The following GPC6 variants were observed in gnomAD, a reference collection of about 807,000 sequenced individuals.
GPC6 encodes glypican-6.
GPC6 carries 14 observed loss-of-function variants against 55.2 expected under a neutral mutation model. That is an observed-to-expected ratio of 0.25 (90% CI 0.17 to 0.40). GPC6 has a LOEUF of 0.40. Ranked by LOEUF, GPC6 falls within the 10% of genes least tolerant of loss-of-function variation. GPC6 has a pLI of 1.00. For missense variants in GPC6, 641 were observed against 708.5 expected (o/e 0.90, Z 1.08); for synonymous variants, 278 against 259.6 (o/e 1.07, Z -0.68).
intron 3 of GPC6, among the ~76,000 whole-genome samples, chr13:94,003,016 G>C (rs1236382062): frequency 1.3e-5 from 2 of 152,166 alleles, no homozygotes; most frequent in African/African-American, 4.8e-5. Flanking sequence ...CAGTCATCTT[G>C]AAAGAGGCAA....
At chr13:94,085,183 G>C (rs1055379414) in intron 4 of GPC6, among the ~76,000 whole-genome samples, 3 of 151,640 alleles carry the variant, frequency 2.0e-5, no homozygotes, top group African/African-American at 7.3e-5. Flanking sequence ...TTAGCCAAGC[G>C]TGGTGGTGTG....
At chr13:93,720,057 T>C (rs529002679) in intron 2 of GPC6, among the ~76,000 whole-genome samples, 6 of 152,070 alleles carry the variant, frequency 3.9e-5, no homozygotes, top group Non-Finnish European at 2.9e-5. Context: ...TTTTTGTGTG[T>C]CTCTGCCAGG....
chr13:93,227,523 G>A lies in GPC6; in HGVS notation c.67G>A (p.Ala23Thr). The A allele has an allele frequency of 6.2e-7, 1 of 1,613,868 alleles. No individual in the cohort carries two copies. Among genetic ancestry groups the A allele is most frequent in the Non-Finnish European group, 8.5e-7 (1 of 1,179,826 alleles). ...GCTGCTGCTCTCCCTCCCCGCCGGG[G>A]CGGATGTGAAGGCTCGGAGCTGCGG... is the stretch of plus-strand genomic sequence containing the variant. ...LGLLLSLPAG[A>T]DVKARSCGEV... Residue 23 changes from alanine (A) to threonine (T), a missense_variant, in exon 1 of 9, where the codon GCG becomes ACG. Coordinates refer to ENST00000377047, the MANE Select transcript of GPC6 (RefSeq NM_005708.5). This position sits in a 1 kb window ranked among gnomAD's most constrained non-coding sequence, Gnocchi z 4.3.
At chr13:93,931,718 C>G (rs9556339) in intron 3 of GPC6, among the ~76,000 whole-genome samples, 51,167 of 146,304 alleles carry the variant, frequency 0.35, 11,420 homozygotes, top group Non-Finnish European at 0.49. Context: ...GAGCCAAGAT[C>G]GCGCCACTGC....
At chr13:93,987,902 G>C (rs1213873880) in intron 3 of GPC6, among the ~76,000 whole-genome samples, 1 of 152,088 alleles carries the variant, frequency 6.6e-6, no homozygotes. Context: ...ATGACCTCAG[G>C]GTGGAGGTTT....
At chr13:94,364,795 G>A (rs1879218366) in intron 6 of GPC6, among the ~76,000 whole-genome samples, 1 of 152,100 alleles carries the variant, frequency 6.6e-6, no homozygotes. Flanking sequence ...TTTAGTTGGA[G>A]TGACTATCCA....
chr13:94,154,873 C>A (rs1887873648), intron 4 of GPC6, among the ~76,000 whole-genome samples: 1 of 152,154 alleles, frequency 6.6e-6, no homozygotes, highest in Non-Finnish European at 1.5e-5. Flanking sequence ...CTTCTGCACC[C>A]AATATCATTT....
At chr13:93,431,925 A>G (rs1877375126) in intron 1 of GPC6, among the ~76,000 whole-genome samples, 1 of 152,184 alleles carries the variant, frequency 6.6e-6, no homozygotes, top group Non-Finnish European at 1.5e-5. Context: ...TGTTTCCTAA[A>G]GTCAGTTTAA....
At chr13:93,319,635 T>G (rs760475988) in intron 1 of GPC6, among the ~76,000 whole-genome samples, 6 of 152,086 alleles carry the variant, frequency 3.9e-5, no homozygotes, top group Non-Finnish European at 8.8e-5. Context: ...CTTACACTGT[T>G]TTCAGAAAAA....
At chr13:94,277,291 T>A (rs1461127996) in intron 4 of GPC6, among the ~76,000 whole-genome samples, 2 of 151,858 alleles carry the variant, frequency 1.3e-5, no homozygotes, top group African/African-American at 4.8e-5. Context: ...TTTTTTTTCT[T>A]GTACATTTTT....
At chr13:93,649,781 T>C (rs1345108536) in intron 2 of GPC6, among the ~76,000 whole-genome samples, 1 of 152,184 alleles carries the variant, frequency 6.6e-6, no homozygotes, top group African/African-American at 2.4e-5. Flanking sequence ...GTTATGCTTA[T>C]GCAGACCAGA....
intron 4 of GPC6, among the ~76,000 whole-genome samples, chr13:94,134,585 C>T (rs571586753): frequency 3.9e-5 from 6 of 152,264 alleles, no homozygotes; most frequent in African/African-American, 1.4e-4. Flanking sequence ...GAGGTGTCCT[C>T]CTAATATAGC....
At chr13:93,419,465 T>TGGAAATGCA (rs1441557644) in intron 1 of GPC6, among the ~76,000 whole-genome samples, 1 of 152,122 alleles carries the variant, frequency 6.6e-6, no homozygotes, top group African/African-American at 2.4e-5. Flanking sequence ...TCAACCTTTG[T>TGGAAATGCA]AGTTTGGAAA....
chr13:93,527,390 T>G (rs1318340963), intron 1 of GPC6, among the ~76,000 whole-genome samples: 1 of 152,108 alleles, frequency 6.6e-6, no homozygotes, highest in Non-Finnish European at 1.5e-5. Context: ...TTTCACTACT[T>G]TTTTAGAGAT....
intron 4 of GPC6, among the ~76,000 whole-genome samples, chr13:94,156,816 A>G (rs1486408593): frequency 6.6e-6 from 1 of 152,138 alleles, no homozygotes; most frequent in Non-Finnish European, 1.5e-5. Flanking sequence ...GCTACTGCAT[A>G]TTTTTCTGGT....
intron 2 of GPC6, among the ~76,000 whole-genome samples, chr13:93,812,334 C>A (rs574238687): frequency 6.6e-6 from 1 of 151,202 alleles, no homozygotes; most frequent in South Asian, 2.1e-4. Context: ...TGCAGTGAGC[C>A]GAGGTCGTGC....
chr13:93,554,285 A>G (rs554208675), intron 2 of GPC6, among the ~76,000 whole-genome samples: 1 of 152,320 alleles, frequency 6.6e-6, no homozygotes, highest in South Asian at 2.1e-4. Context: ...ACAGTAAATT[A>G]TACAGAGCAC....
In GPC6 at chr13:93,360,010, T is replaced by C. The variant is rs1880988810; in HGVS notation, c.160+132394T>C. On this transcript the variant is annotated intron_variant, in intron 1 of 8. Transcript: ENST00000377047. ...AATTTTTACTCTTTACCCTAAGTCATTGGGAGAAGATGAAAGTTTTTTCAA... is the reference window on the plus strand; with the variant it reads ...AATTTTTACTCTTTACCCTAAGTCACTGGGAGAAGATGAAAGTTTTTTCAA... Among the ~76,000 whole-genome samples the C allele has an allele frequency of 2.0e-5, 3 of 152,168 alleles. No individual in the cohort carries two copies. The South Asian group carries it at 6.2e-4, about 32-fold the overall frequency.
chr13:93,949,451 A>G (rs1246812389), intron 3 of GPC6, among the ~76,000 whole-genome samples: 1 of 152,238 alleles, frequency 6.6e-6, no homozygotes, highest in East Asian at 1.9e-4. Flanking sequence ...TTTAATATTC[A>G]AGTGGCATAA....
Sources: gnomAD v4.1 joint callset for allele counts (sites outside exome capture counted in the v4.1 genomes callset) on GRCh38, gnomAD v4.1.1 for gene constraint, Gnocchi (gnomAD v3.1) non-coding constraint, MANE v1.5 for transcripts, NCBI Gene and HGNC (gene_info 2026-07-23, HGNC 2026-07-21) for gene names.